Variants in AKT3 observed in about 807,000 individuals in gnomAD.
AKT3 encodes RAC-gamma serine/threonine-protein kinase.
AKT3 carries 15 observed loss-of-function variants against 65.3 expected under a neutral mutation model. That is an observed-to-expected ratio of 0.23 (90% confidence interval 0.15 to 0.35). AKT3 has a LOEUF of 0.35. Ranked by LOEUF, AKT3 falls within the 10% of genes least tolerant of loss-of-function variation. The pLI is 1.00. For missense variants in AKT3, 243 were observed against 576.5 expected (o/e 0.42, Z 5.92); for synonymous variants, 206 against 183.8 (o/e 1.12, Z -0.98).
intron 4 of AKT3, among the ~76,000 whole-genome samples, chr1:243,649,408 TACACATAC>T (rs1681125606): frequency 6.6e-6 from 1 of 151,782 alleles, no homozygotes; most frequent in Middle Eastern, 3.4e-3. Flanking sequence ...TATATATATA[TACACATAC>T]ACACATACAT....
chr1:243,687,699 A>AAATTGGAGTATGATTTG (rs778444105), intron 3 of AKT3: 37 of 152,078 alleles, frequency 2.4e-4, no homozygotes, highest in Non-Finnish European at 4.7e-4. Flanking sequence ...TGTTCTTTTC[A>AAATTGGAGTATGATTTG]AATTGGAGTA....
intron 2 of AKT3, among the ~76,000 whole-genome samples, chr1:243,811,878 A>G (rs1203218912): frequency 2.0e-5 from 3 of 152,192 alleles, no homozygotes; most frequent in Admixed American, 6.5e-5. Context: ...CACGTCTACA[A>G]CCATCTGATC....
intron 6 of AKT3, among the ~76,000 whole-genome samples, chr1:243,617,936 T>G (rs890849901): frequency 6.6e-6 from 1 of 152,074 alleles, no homozygotes; most frequent in African/African-American, 2.4e-5. Flanking sequence ...CAGAAAGAAA[T>G]TCACAGAAGA....
At chr1:243,814,933 T>C (rs1175176087) in intron 2 of AKT3, among the ~76,000 whole-genome samples, 1 of 152,224 alleles carries the variant, frequency 6.6e-6, no homozygotes, top group African/African-American at 2.4e-5. Flanking sequence ...GCAGGTGTTT[T>C]GAGGCAACAC....
rs186661736 is a variant in AKT3, at chr1:243,697,937, C to T, written c.47-2221G>A. Among the ~76,000 whole-genome samples the T allele has an allele frequency of 5.3e-3, 800 of 150,844 alleles. 15 individuals are homozygous for T. The South Asian group carries it at 0.055, about 10-fold the overall frequency. ...AGAGGATACGTAGATCAGTATCCTC[C>T]ACATAAGTATGTAAGGGCAAAAAAG... On this transcript the variant is annotated intron_variant, in intron 2 of 13. Transcript: ENST00000673466.
At chr1:243,625,395 C>T (rs1046840307) in intron 6 of AKT3, among the ~76,000 whole-genome samples, 3 of 151,784 alleles carry the variant, frequency 2.0e-5, no homozygotes, top group Non-Finnish European at 4.4e-5. Flanking sequence ...GGCCTCCCAA[C>T]GTACTGGGAT....
At chr1:243,714,122 G>C (rs987397524) in intron 2 of AKT3, among the ~76,000 whole-genome samples, 11 of 152,158 alleles carry the variant, frequency 7.2e-5, no homozygotes, top group African/African-American at 2.7e-4. Context: ...CATATGGTGA[G>C]CATTTATCCT....
At chr1:243,714,218 T>C (rs990353946) in intron 2 of AKT3, among the ~76,000 whole-genome samples, 2 of 152,236 alleles carry the variant, frequency 1.3e-5, no homozygotes, top group Admixed American at 1.3e-4. Flanking sequence ...ATAAAATGGA[T>C]TTGAATATCT....
At position 243,677,195 on chromosome 1, in the gene AKT3, A is replaced by G. The variant is rs1002123227; in HGVS notation, c.173-12312T>C. The stretch of plus-strand genomic sequence containing the variant: ...TCATGCTGTTTCTCTCACCTGACAC[A>G]TACTCCCTTCCTTTTTACTTAGATT... On this transcript the variant is annotated intron_variant, in intron 3 of 13. Transcript: ENST00000673466. 2.0e-5 allele frequency among the ~76,000 whole-genome samples: 3 copies of G among 152,164 alleles called. No individual in the cohort carries two copies. The East Asian group carries it at 5.8e-4, about 29-fold the overall frequency.
At chr1:243,551,405 C>G (rs545728647) in intron 11 of AKT3, among the ~76,000 whole-genome samples, 1 of 152,118 alleles carries the variant, frequency 6.6e-6, no homozygotes, top group Non-Finnish European at 1.5e-5. Flanking sequence ...TGAGTCTTCA[C>G]AAAGCAGAAA....
intron 13 of AKT3, chr1:243,489,060 G>T (rs755629522): frequency 6.2e-7 from 1 of 1,613,436 alleles, no homozygotes; most frequent in South Asian, 1.1e-5. Flanking sequence ...CCAGCAGCTG[G>T]TGCAGCTCCT....
Position 243,488,928 on chromosome 1 carries a change from G to A in AKT3, c.*7-478C>T. ...CGTCCTGCTCATGGTTCCCTATCAG[G>A]GGCTTCCCTCAGATACACACAGCCC... On this transcript the variant is annotated intron_variant, in intron 13 of 13. Coordinates refer to the AKT3 transcript ENST00000336199. 3 of 1,598,038 alleles carry A rather than the reference G, an allele frequency of 1.9e-6. No homozygotes were observed. In the South Asian group the frequency reaches 3.3e-5, roughly 18 times the overall value.
At chr1:243,817,720 T>C (rs991869593) in intron 2 of AKT3, among the ~76,000 whole-genome samples, 21 of 152,178 alleles carry the variant, frequency 1.4e-4, no homozygotes, top group African/African-American at 3.4e-4. Flanking sequence ...AGATGGGTGA[T>C]AGAGTGAGAC....
intron 2 of AKT3, among the ~76,000 whole-genome samples, chr1:243,756,750 T>C (rs1254767716): frequency 6.6e-6 from 1 of 152,310 alleles, no homozygotes; most frequent in East Asian, 1.9e-4. Flanking sequence ...AATATTTACA[T>C]GGTCTCAAAT....
chr1:243,540,950 G>A (rs1168041240), intron 12 of AKT3, among the ~76,000 whole-genome samples: 5 of 152,116 alleles, frequency 3.3e-5, no homozygotes, highest in African/African-American at 7.2e-5. Flanking sequence ...ATCTTATCAT[G>A]GGTTCCATGA....
At chr1:243,658,557 T>C (rs1682000435) in intron 4 of AKT3, among the ~76,000 whole-genome samples, 1 of 152,276 alleles carries the variant, frequency 6.6e-6, no homozygotes, top group South Asian at 2.1e-4. Context: ...GAAAACAGTA[T>C]GAAGATTCTT....
At chr1:243,507,093 C>G (rs1448517742) in intron 13 of AKT3, among the ~76,000 whole-genome samples, 1 of 152,216 alleles carries the variant, frequency 6.6e-6, no homozygotes, top group African/African-American at 2.4e-5. Flanking sequence ...TGTTTCTGCA[C>G]AGCAAACCTG....
chr1:243,777,170 G>A (rs1446858863), intron 2 of AKT3, among the ~76,000 whole-genome samples: 2 of 152,122 alleles, frequency 1.3e-5, no homozygotes, highest in African/African-American at 2.4e-5. Context: ...GCGGTGGGGA[G>A]TGAAGATGGT....
At chr1:243,626,856 T>G (rs1418407046) in intron 6 of AKT3, among the ~76,000 whole-genome samples, 1 of 152,204 alleles carries the variant, frequency 6.6e-6, no homozygotes, top group African/African-American at 2.4e-5. Flanking sequence ...GGGAAGGATA[T>G]GATGTTTGAC....
Sources: allele counts gnomAD v4.1 joint callset (sites outside exome capture counted in the v4.1 genomes callset), GRCh38; gene constraint gnomAD v4.1.1; transcripts MANE v1.5; gene names NCBI Gene and HGNC (gene_info 2026-07-23, HGNC 2026-07-21).